Variants in BPIFB6 observed in about 807,000 individuals in gnomAD.
BPIFB6 encodes BPI fold containing family B member 6.
A neutral mutation model predicts 54.7 loss-of-function variants in BPIFB6; 47 were observed. That is an observed-to-expected ratio of 0.86 (90% CI 0.68 to 1.10). The LOEUF (loss-of-function observed/expected upper bound fraction) is 1.10, where lower values mean the gene tolerates loss of function less well. Among genes scored for constraint, BPIFB6 ranks in the 50% least tolerant of loss-of-function variants. BPIFB6 has a pLI of 0.00. For missense variants in BPIFB6, 603 were observed against 564.1 expected (o/e 1.07, Z -0.70); for synonymous variants, 255 against 225.9 (o/e 1.13, Z -1.16).
intron 7 of BPIFB6, among the ~76,000 whole-genome samples, chr20:33,036,869 C>G (rs1483348494): frequency 6.6e-6 from 1 of 152,158 alleles, no homozygotes; most frequent in Non-Finnish European, 1.5e-5. Context: ...GGAGCAGTGA[C>G]CTACCCAAGG....
At position 33,042,382 on chromosome 20, in the gene BPIFB6, C is replaced by T. The variant is rs78347689; in HGVS notation, c.1188+367C>T. Among the ~76,000 whole-genome samples, 555 of 152,336 alleles carry T rather than the reference C, an allele frequency of 3.6e-3. 1 individual carries two copies. Among genetic ancestry groups the T allele is most frequent in the African/African-American group, 0.013 (536 of 41,580 alleles). On this transcript the variant is annotated intron_variant, in intron 12 of 14. Coordinates refer to ENST00000349552, the MANE Select transcript of BPIFB6 (RefSeq NM_174897.2). ...GCCAACACCACCACCACTTACTCTG[C>T]GATCATGTGCTTTATCCAAACTCTT...
rs377161634 is a variant in BPIFB6, at chr20:33,036,556, T to C, written c.669+20T>C. Reference sequence around the variant, plus strand: ...TTCAGTGTAAGCGCCTAGGGCCACCTGGGAGCTGGGGTCTCAGGCTCACTG... The same window carrying C: ...TTCAGTGTAAGCGCCTAGGGCCACCCGGGAGCTGGGGTCTCAGGCTCACTG... On this transcript the variant is annotated intron_variant, in intron 7 of 14. Coordinates refer to ENST00000349552, the MANE Select transcript of BPIFB6 (RefSeq NM_174897.2). 112 of 1,602,212 alleles carry C rather than the reference T, an allele frequency of 7.0e-5. No homozygotes were observed. Among genetic ancestry groups the C allele is most frequent in the Non-Finnish European group, 9.2e-5 (108 of 1,169,196 alleles).
chr20:33,042,031 G>T lies in BPIFB6; in HGVS notation c.1188+16G>T. 6.2e-7 allele frequency: 1 copy of T among 1,612,104 alleles called. No homozygotes were observed. Among genetic ancestry groups the T allele is most frequent in the Non-Finnish European group, 8.5e-7 (1 of 1,178,174 alleles). On this transcript the variant is annotated intron_variant, in intron 12 of 14. Transcript: ENST00000349552. ...CAACTTCAATGTAAGTGTCCCAAGTGCTCTTGCCTGTCCGGCGTGAGGACA... is the reference window on the plus strand; with the variant it reads ...CAACTTCAATGTAAGTGTCCCAAGTTCTCTTGCCTGTCCGGCGTGAGGACA...
Position 33,042,808 on chromosome 20 carries a change from T to C in BPIFB6, c.1189-7T>C. The stretch of plus-strand genomic sequence containing the variant: ...GAATGTGGATGCTTTCTCTTTCTTC[T>C]TTCCAGGAGAGGGAATTAACTGGCT... On this transcript the variant is annotated splice_region_variant and splice_polypyrimidine_tract_variant and intron_variant, in intron 12 of 14. Transcript: ENST00000349552. 1 of 1,613,584 alleles carries C rather than the reference T, an allele frequency of 6.2e-7. No individual in the cohort carries two copies.
chr20:33,043,859 G>A (rs1979694884), intron 14 of BPIFB6, among the ~76,000 whole-genome samples, 156 bp from the exon 15 acceptor site: 1 of 152,188 alleles, frequency 6.6e-6, no homozygotes, highest in African/African-American at 2.4e-5. Context: ...TAAGAGAGGT[G>A]AAGTGACCTC....
intron 1 of BPIFB6, among the ~76,000 whole-genome samples, chr20:33,032,591 T>A (rs1477130499): frequency 1.3e-5 from 2 of 152,200 alleles, no homozygotes; most frequent in Non-Finnish European, 2.9e-5. Context: ...CCTCCAGCCA[T>A]GCTGAATCTA....
At position 33,034,820 on chromosome 20, in the gene BPIFB6, G is replaced by T. The variant is rs748419030; in HGVS notation, c.360G>T (p.Arg120=). 2.5e-6 allele frequency: 4 copies of T among 1,613,796 alleles called. No individual in the cohort carries two copies. In the African/African-American group the frequency reaches 5.3e-5, roughly 22 times the overall value. ...IVALNITATN[R]LLRDEETGLP... ...CCCTGAACATCACAGCCACCAACCG[G>T]CTTCTGCGGGATGAGGAGACAGGCC... Residue 120 remains arginine (R), a synonymous_variant, in exon 4 of 15, where the codon CGG becomes CGT. Transcript: ENST00000349552.
intron 9 of BPIFB6, 68 bp downstream of exon 9, chr20:33,039,030 A>G: frequency 1.3e-6 from 2 of 1,531,408 alleles, no homozygotes. Context: ...TCTGTCCTGC[A>G]GTGGGACTTG....
At chr20:33,041,889 C>A (rs182173613) in intron 11 of BPIFB6, 81 bp from the exon 12 acceptor site, 2 of 1,327,182 alleles carry the variant, frequency 1.5e-6, no homozygotes, top group East Asian at 2.4e-5. Context: ...GTGCTTGGGA[C>A]CCCCTTCTCC....
rs568272399 is a variant in BPIFB6 at position 33,034,026 on chromosome 20, T to G, written c.198-160T>G. On this transcript the variant is annotated intron_variant, in intron 2 of 14. Transcript: ENST00000349552. The stretch of plus-strand genomic sequence containing the variant: ...AATTGATTCATGTCCAGCCTTTTGT[T>G]TTGCATTTCATAATGGCCCCATGAA... Among the ~76,000 whole-genome samples, 87 of 138,278 alleles carry G rather than the reference T, an allele frequency of 6.3e-4. No homozygotes were observed. The South Asian group carries it at 9.4e-3, about 15-fold the overall frequency. The allele number at this position is 138,278 out of a possible 152,430, so 90.7% of individuals were successfully genotyped here. A position where few individuals can be genotyped will look rare whatever the true frequency, so the allele number is the denominator to read the frequency against.
chr20:33,043,343 C>A lies in BPIFB6; in HGVS notation c.1305C>A (p.Asn435Lys). The change falls in exon 14 of 15, where the codon AAC (asparagine) becomes AAA (lysine). Residue 435 changes from asparagine (N) to lysine (K), a missense_variant. By Grantham distance (94) the Asn-to-Lys change is moderately conservative. Transcript: ENST00000349552. The stretch of plus-strand genomic sequence containing the variant: ...CGGACTTTCTGGCCATGAATTACAA[C>A]CTGGCTGAGCTGGACATAGTAGAGG... ...PLPDFLAMNYNLAELDIVENA... is the reference protein window; with the variant it reads ...PLPDFLAMNYKLAELDIVENA... 1.9e-6 allele frequency: 3 copies of A among 1,614,152 alleles called. No individual in the cohort carries two copies. Among genetic ancestry groups the A allele is most frequent in the Non-Finnish European group, 2.5e-6 (3 of 1,180,012 alleles).
chr20:33,033,707 AG>A, intron 2 of BPIFB6: 4 of 450,536 alleles, frequency 8.9e-6, no homozygotes, highest in South Asian at 6.2e-5. Context: ...GGCAATGTCC[AG>A]GGACATTTTT....
intron 2 of BPIFB6, 169 bp downstream of exon 2, chr20:33,033,252 C>T: frequency 1.4e-6 from 1 of 691,470 alleles, no homozygotes; most frequent in Non-Finnish European, 2.7e-6. Flanking sequence ...CTGCTCCTGC[C>T]TGTGCCTGGA....
At chr20:33,037,079 T>A (rs1979375266) in intron 7 of BPIFB6, among the ~76,000 whole-genome samples, 1 of 152,190 alleles carries the variant, frequency 6.6e-6, no homozygotes, top group South Asian at 2.1e-4. Flanking sequence ...TGCAGTGAGT[T>A]GGTGTCAGAG....
At position 33,034,843 on chromosome 20, in the gene BPIFB6, G is replaced by A; in HGVS notation, c.383G>A (p.Gly128Asp). The change falls in exon 4 of 15, where the codon GGC (glycine) becomes GAC (aspartate). Residue 128 changes from glycine (G) to aspartate (D), a missense_variant. Coordinates refer to ENST00000349552, the MANE Select transcript of BPIFB6 (RefSeq NM_174897.2). ...CGGCTTCTGCGGGATGAGGAGACAGGCCTCCCCGTGTTCAAGAGTGAGGGC... is the reference window on the plus strand; with the variant it reads ...CGGCTTCTGCGGGATGAGGAGACAGACCTCCCCGTGTTCAAGAGTGAGGGC... ...TNRLLRDEET[G>D]LPVFKSEGCE... 3.1e-6 allele frequency: 5 copies of A among 1,613,870 alleles called. No individual in the cohort carries two copies. Among genetic ancestry groups the A allele is most frequent in the Non-Finnish European group, 4.2e-6 (5 of 1,179,840 alleles).
rs142063855 is a variant in BPIFB6, at chr20:33,034,880, C to T, written c.420C>T (p.Ile140=). The T allele has an allele frequency of 1.2e-6, 2 of 1,613,048 alleles. No homozygotes were observed. The highest frequency in any genetic ancestry group is 1.7e-6 in the Non-Finnish European group (2 of 1,179,164). ...TCAAGAGTGAGGGCTGTGAGGTCATCCTGGTCAATGTGAAGACTAACCTGC... is the reference window on the plus strand; with the variant it reads ...TCAAGAGTGAGGGCTGTGAGGTCATTCTGGTCAATGTGAAGACTAACCTGC... ...PVFKSEGCEV[I]LVNVKTNLPS... The change falls in exon 4 of 15, where the codon ATC becomes ATT. Residue 140 remains isoleucine (I), a synonymous_variant. Transcript: ENST00000349552.
intron 10 of BPIFB6, 104 bp downstream of exon 10, chr20:33,039,624 C>G: frequency 8.0e-7 from 1 of 1,246,318 alleles, no homozygotes; most frequent in Non-Finnish European, 1.1e-6. Flanking sequence ...TCAGAGGGAT[C>G]AGTTAATCTT....
At chr20:33,035,848 G>A (rs1384449856) in intron 6 of BPIFB6, among the ~76,000 whole-genome samples, 176 bp downstream of exon 6, 1 of 152,106 alleles carries the variant, frequency 6.6e-6, no homozygotes, top group African/African-American at 2.4e-5. Flanking sequence ...AAGTCCCCAG[G>A]GAATCTGGGT....
At chr20:33,041,239 T>G (rs1054757257) in intron 11 of BPIFB6, among the ~76,000 whole-genome samples, 9 of 152,156 alleles carry the variant, frequency 5.9e-5, no homozygotes, top group Non-Finnish European at 1.2e-4. Context: ...TCCACCCGCC[T>G]CGGCCTCCCA....
Sources: gnomAD v4.1 joint callset for allele counts (sites outside exome capture counted in the v4.1 genomes callset) on GRCh38, gnomAD v4.1.1 for gene constraint, MANE v1.5 for transcripts, NCBI Gene and HGNC (gene_info 2026-07-23, HGNC 2026-07-21) for gene names.